The following DCLK1 variants were observed in gnomAD, a reference collection of about 807,000 sequenced individuals.
The protein encoded by DCLK1 is doublecortin like kinase 1.
A neutral mutation model predicts 86.2 loss-of-function variants in DCLK1; 16 were observed. That is an observed-to-expected ratio of 0.19 (90% CI 0.13 to 0.28). The LOEUF (loss-of-function observed/expected upper bound fraction) is 0.28. DCLK1 is among the 10% of genes least tolerant of loss of function. The pLI is 1.00. For missense variants in DCLK1, 590 were observed against 940.2 expected (o/e 0.63, Z 4.87); for synonymous variants, 369 against 370.5 (o/e 1.00, Z 0.05).
chr13:36,081,073 G>A (rs9602114), intron 3 of DCLK1, among the ~76,000 whole-genome samples: 2 of 151,962 alleles, frequency 1.3e-5, no homozygotes, highest in Admixed American at 1.3e-4. Flanking sequence ...TCGGTGTTTG[G>A]TAGAAGTTTT....
intron 10 of DCLK1, among the ~76,000 whole-genome samples, chr13:35,826,181 C>T (rs372414377): frequency 2.0e-5 from 3 of 151,944 alleles, no homozygotes; most frequent in East Asian, 3.9e-4. Context: ...CCCTCAGCCT[C>T]AAACATGACA....
intron 3 of DCLK1, among the ~76,000 whole-genome samples, chr13:36,015,960 C>G (rs1347334450): frequency 1.3e-5 from 2 of 152,186 alleles, no homozygotes; most frequent in African/African-American, 4.8e-5. Flanking sequence ...AACCAGTTAA[C>G]CAGCAAATCA....
At chr13:36,102,392 C>G (rs1034150818) in intron 3 of DCLK1, among the ~76,000 whole-genome samples, 1 of 152,030 alleles carries the variant, frequency 6.6e-6, no homozygotes, top group Non-Finnish European at 1.5e-5. Context: ...AAAGGATGAG[C>G]CAAAAGTTAA....
At chr13:36,040,069 CTG>C (rs1254439838) in intron 3 of DCLK1, among the ~76,000 whole-genome samples, 2 of 151,648 alleles carry the variant, frequency 1.3e-5, no homozygotes, top group African/African-American at 4.8e-5. Flanking sequence ...AGACCTTAAA[CTG>C]TAAAATTATT....
intron 3 of DCLK1, among the ~76,000 whole-genome samples, chr13:36,102,276 T>C (rs1443610374): frequency 6.6e-6 from 1 of 151,920 alleles, no homozygotes; most frequent in Non-Finnish European, 1.5e-5. Flanking sequence ...ATCAATTTTA[T>C]GTTACTATCT....
At chr13:36,007,833 A>G (rs1468813703) in intron 3 of DCLK1, among the ~76,000 whole-genome samples, 3 of 152,180 alleles carry the variant, frequency 2.0e-5, no homozygotes, top group Non-Finnish European at 4.4e-5. Flanking sequence ...CACTTTTGGC[A>G]TACAATAAAA....
At chr13:36,053,691 G>T (rs1254337184) in intron 3 of DCLK1, among the ~76,000 whole-genome samples, 1 of 151,980 alleles carries the variant, frequency 6.6e-6, no homozygotes, top group African/African-American at 2.4e-5. Context: ...GGGTGATAAT[G>T]ATAAAGGGGA....
At chr13:35,843,708 A>T (rs1869982750) in intron 6 of DCLK1, among the ~76,000 whole-genome samples, 1 of 152,232 alleles carries the variant, frequency 6.6e-6, no homozygotes, top group African/African-American at 2.4e-5. Context: ...GGATAATTGC[A>T]CCATTTCCAC....
At chr13:35,909,015 A>G (rs1874844130) in intron 4 of DCLK1, among the ~76,000 whole-genome samples, 1 of 152,380 alleles carries the variant, frequency 6.6e-6, no homozygotes, top group South Asian at 2.1e-4. Context: ...AGCAAGAAGA[A>G]AAAGAAAACA....
chr13:35,909,947 C>T (rs1470814576), intron 4 of DCLK1, among the ~76,000 whole-genome samples: 2 of 152,170 alleles, frequency 1.3e-5, no homozygotes, highest in Admixed American at 6.5e-5. Context: ...CAGCCAGCAC[C>T]TCCGTCCTCT....
chr13:35,854,414 C>G (rs1010995618), intron 6 of DCLK1, 85 bp downstream of exon 6: 1 of 1,096,122 alleles, frequency 9.1e-7, no homozygotes. Flanking sequence ...CGCCTAGAGA[C>G]GAGCAGCACG....
At chr13:36,010,091 G>C (rs1435154303) in intron 3 of DCLK1, among the ~76,000 whole-genome samples, 1 of 40,624 alleles carries the variant, frequency 2.5e-5, no homozygotes, top group African/African-American at 1.0e-4. Flanking sequence ...CTGAGACTTT[G>C]CTGAAGTTGC....
At chr13:36,004,964 A>T (rs1438852371) in intron 3 of DCLK1, among the ~76,000 whole-genome samples, 1 of 152,216 alleles carries the variant, frequency 6.6e-6, no homozygotes, top group Non-Finnish European at 1.5e-5. Context: ...TGTACACAAC[A>T]ATCTGGCTAA....
At chr13:36,039,160 A>C (rs1268237103) in intron 3 of DCLK1, among the ~76,000 whole-genome samples, 1 of 152,248 alleles carries the variant, frequency 6.6e-6, no homozygotes, top group Non-Finnish European at 1.5e-5. Context: ...ATTTCAGGTA[A>C]GGAATGAGTA....
chr13:35,986,300 CAAAAAAAAAAAAAAA>C (rs60156251), intron 3 of DCLK1, among the ~76,000 whole-genome samples: 1 of 44,416 alleles, frequency 2.3e-5, no homozygotes, highest in Admixed American at 4.1e-4. Flanking sequence ...GACTCCGTCT[CAAAAAAAAAAAAAAA>C]AAAAAAAAAA....
At chr13:36,071,979 T>C (rs1883990610) in intron 3 of DCLK1, among the ~76,000 whole-genome samples, 2 of 152,150 alleles carry the variant, frequency 1.3e-5, no homozygotes, top group Non-Finnish European at 2.9e-5. Context: ...TCTAAATTAC[T>C]CCATATAGAC....
chr13:36,115,188 A>G (rs748283266), intron 2 of DCLK1, among the ~76,000 whole-genome samples: 3 of 152,158 alleles, frequency 2.0e-5, no homozygotes, highest in Non-Finnish European at 4.4e-5. Context: ...AAACAAACGA[A>G]AAAACAAACA....
chr13:36,116,585 C>T (rs1885800041), intron 2 of DCLK1, among the ~76,000 whole-genome samples: 1 of 152,132 alleles, frequency 6.6e-6, no homozygotes, highest in Non-Finnish European at 1.5e-5. Flanking sequence ...TACTACTTAA[C>T]TTCAGTCTGA....
chr13:36,037,622 TA>T (rs1016381794), intron 3 of DCLK1, among the ~76,000 whole-genome samples: 3 of 152,040 alleles, frequency 2.0e-5, no homozygotes, highest in Non-Finnish European at 2.9e-5. Flanking sequence ...TACCTGGGAT[TA>T]CAGGTGTGCA....
Sources: allele counts gnomAD v4.1 joint callset (sites outside exome capture counted in the v4.1 genomes callset), GRCh38; gene constraint gnomAD v4.1.1; transcripts MANE v1.5; gene names NCBI Gene and HGNC (gene_info 2026-07-23, HGNC 2026-07-21).